MICAL2: variants seen among roughly 807,000 people sequenced by gnomAD.
MICAL2 encodes microtubule associated monooxygenase, calponin and LIM domain containing 2, also known as [F-actin]-monooxygenase MICAL2.
Under a neutral mutation model 127.3 loss-of-function variants are expected in MICAL2, and 77 were observed. That is an observed-to-expected ratio of 0.60 (90% CI 0.50 to 0.73). MICAL2 has a LOEUF of 0.73. Ranked by LOEUF, MICAL2 falls within the 30% of genes least tolerant of loss-of-function variation. The pLI, the probability that MICAL2 is intolerant of heterozygous loss-of-function variation, is 0.00. For synonymous variants in MICAL2, 570 were observed against 551.1 expected, an observed-to-expected ratio of 1.03 and a Z score of -0.48; for missense variants, 1,351 against 1,434.4, an observed-to-expected ratio of 0.94 and a Z score of 0.94.
chr11:12,307,159 T>A (rs992852412), intron 29 of MICAL2, among the ~76,000 whole-genome samples: 1 of 152,234 alleles, frequency 6.6e-6, no homozygotes, highest in Admixed American at 6.5e-5. Flanking sequence ...TGGTAGTATC[T>A]CATTGCAATT....
At chr11:12,313,103 G>A (rs1480092021) in intron 29 of MICAL2, among the ~76,000 whole-genome samples, 2 of 133,858 alleles carry the variant, frequency 1.5e-5, no homozygotes, top group Non-Finnish European at 3.1e-5. Flanking sequence ...GAGAGGCGGA[G>A]CTTGCAGTGA....
At chr11:12,329,862 GAAAAAAAA>G (rs59395634) in intron 32 of MICAL2, among the ~76,000 whole-genome samples, 1 of 121,984 alleles carries the variant, frequency 8.2e-6, no homozygotes, top group Non-Finnish European at 1.6e-5. Flanking sequence ...CCCCAAATAT[GAAAAAAAA>G]AAAAAAAAAA....
intron 32 of MICAL2, chr11:12,349,693 C>T (rs1041629683): frequency 4.8e-5 from 32 of 667,362 alleles, no homozygotes; most frequent in Non-Finnish European, 7.3e-5. Context: ...TACCCATAAC[C>T]TGGAGGCACC....
chr11:12,359,640 T>C (rs151223012), downstream of MICAL2, among the ~76,000 whole-genome samples: 598 of 152,298 alleles, frequency 3.9e-3, 4 homozygotes, highest in African/African-American at 0.013. Context: ...AGATGGAGTT[T>C]GTGTGCTGAC....
rs1169476606 is a variant in MICAL2, at chr11:12,250,358, T to C, written c.2847+1112T>C. 2.0e-5 allele frequency: 3 copies of C among 152,208 alleles called. No homozygotes were observed. In the East Asian group the frequency reaches 5.8e-4, roughly 29 times the overall value. The allele number at this position is 152,208 out of a possible 1,614,324, so 9.4% of individuals were successfully genotyped here. A position where few individuals can be genotyped will look rare whatever the true frequency, so the allele number is the denominator to read the frequency against. The stretch of plus-strand genomic sequence containing the variant: ...TGTGAAATAAGCACATCACAGAGAA[T>C]GGGGTATCCATTCCCTCAAGCATTT... On this transcript the variant is annotated intron_variant, in intron 22 of 27. Coordinates refer to ENST00000683283, the MANE Select transcript of MICAL2 (RefSeq NM_001282663.2).
intron 22 of MICAL2, among the ~76,000 whole-genome samples, chr11:12,251,425 A>C (rs985298106): frequency 1.1e-4 from 16 of 151,936 alleles, no homozygotes; most frequent in Non-Finnish European, 1.5e-5. Flanking sequence ...CCCTCATCCC[A>C]GGAGACAAGT....
At position 12,284,435 on chromosome 11, in the gene MICAL2, C is replaced by T. The variant is rs147460802; in HGVS notation, c.255-2652C>T. ...GAAGGGATCAGCCCACTTTATGCTG[C>T]TCAGCATTACTAGATGAAGTCATTA... On this transcript the variant is annotated intron_variant, in intron 2 of 2. Transcript: ENST00000529028. 2.8e-4 allele frequency among the ~76,000 whole-genome samples: 42 copies of T among 152,202 alleles called. No individual in the cohort carries two copies. The East Asian group carries it at 7.7e-3, about 28-fold the overall frequency.
At chr11:12,175,858 C>A (rs1355108788) in intron 3 of MICAL2, among the ~76,000 whole-genome samples, 1 of 152,004 alleles carries the variant, frequency 6.6e-6, no homozygotes, top group Non-Finnish European at 1.5e-5. Context: ...ACCTATGTAG[C>A]TGGAAGGAGG....
At chr11:12,203,017 G>A (rs750321969) in intron 3 of MICAL2, among the ~76,000 whole-genome samples, 1 of 152,012 alleles carries the variant, frequency 6.6e-6, no homozygotes, top group African/African-American at 2.4e-5. Flanking sequence ...TCATATAAAC[G>A]AAATACAATA....
chr11:12,349,794 G>A (rs748535282), intron 32 of MICAL2: 3 of 1,586,706 alleles, frequency 1.9e-6, no homozygotes, highest in African/African-American at 2.7e-5. Context: ...ATCATGGGGA[G>A]AGAAATGCCA....
chr11:12,204,597 T>A, intron 4 of MICAL2, 140 bp downstream of exon 4: 1 of 801,626 alleles, frequency 1.2e-6, no homozygotes, highest in Non-Finnish European at 2.0e-6. Context: ...AGACAACTAG[T>A]AAAAGGCCTG....
chr11:12,350,057 G>A, intron 33 of MICAL2: 1 of 666,988 alleles, frequency 1.5e-6, no homozygotes, highest in Non-Finnish European at 2.6e-6. Flanking sequence ...AATAGTGATT[G>A]AGGCAAATTG....
At chr11:12,127,884 C>T (rs1278320128) in intron 1 of MICAL2, among the ~76,000 whole-genome samples, 4 of 152,184 alleles carry the variant, frequency 2.6e-5, no homozygotes, top group African/African-American at 9.7e-5. Context: ...CCTCACTGTG[C>T]TGCAAGCTCC....
intron 7 of MICAL2, among the ~76,000 whole-genome samples, chr11:12,214,488 G>A (rs547716553): frequency 5.2e-4 from 79 of 152,238 alleles, no homozygotes; most frequent in Middle Eastern, 3.4e-3. Flanking sequence ...CCTTCTGGTG[G>A]TCACTTTTAG....
chr11:12,198,347 G>C (rs953565502), intron 3 of MICAL2, among the ~76,000 whole-genome samples: 1 of 152,220 alleles, frequency 6.6e-6, no homozygotes, highest in African/African-American at 2.4e-5. Context: ...CAGGCAGTAA[G>C]TGTTAACCCC....
chr11:12,209,453 C>T, intron 5 of MICAL2, 44 bp from the exon 6 acceptor site: 1 of 1,485,282 alleles, frequency 6.7e-7, no homozygotes. Context: ...TCATTCTCTT[C>T]CCACCTCTCT....
At chr11:12,323,389 T>TCAAC (rs1228088308) in intron 30 of MICAL2, among the ~76,000 whole-genome samples, 1 of 152,166 alleles carries the variant, frequency 6.6e-6, no homozygotes, top group African/African-American at 2.4e-5. Context: ...CACTGTAGAC[T>TCAAC]CAACCTAAGC....
intron 3 of MICAL2, among the ~76,000 whole-genome samples, chr11:12,202,064 G>A (rs1346011567): frequency 1.3e-5 from 2 of 152,118 alleles, no homozygotes; most frequent in African/African-American, 4.8e-5. Context: ...AGAGGTTGCG[G>A]TGAGCCAAAA....
chr11:12,226,265 A>G lies in MICAL2; in HGVS notation c.1783A>G (p.Thr595Ala), dbSNP rs1857432596. ...AGAGTTTGGGATCCCTCCAGTGACC[A>G]CGGGCAAAGAGATGGCATCTGCCCA... ...EREFGIPPVTTGKEMASAQEP... is the reference protein window; with the variant it reads ...EREFGIPPVTAGKEMASAQEP... The change falls in exon 14 of 28, where the codon ACG becomes GCG. Residue 595 changes from threonine (T) to alanine (A), a missense_variant. Transcript: ENST00000683283. 1 of 1,614,238 alleles carries G rather than the reference A, an allele frequency of 6.2e-7. No homozygotes were observed. Among genetic ancestry groups the G allele is most frequent in the Non-Finnish European group, 8.5e-7 (1 of 1,180,044 alleles).
Sources: gnomAD v4.1 joint callset for allele counts (sites outside exome capture counted in the v4.1 genomes callset) on GRCh38, gnomAD v4.1.1 for gene constraint, MANE v1.5 for transcripts, NCBI Gene and HGNC (gene_info 2026-07-23, HGNC 2026-07-21) for gene names.